The following ADAMTS16 variants were observed in gnomAD, a reference collection of about 807,000 sequenced individuals.
The protein encoded by ADAMTS16 is ADAM metallopeptidase with thrombospondin type 1 motif 16, also known as A disintegrin and metalloproteinase with thrombospondin motifs 16.
A neutral mutation model predicts 145.8 loss-of-function variants in ADAMTS16; 94 were observed. That is an observed-to-expected ratio of 0.64 (90% confidence interval 0.55 to 0.77). ADAMTS16 has a LOEUF of 0.77. Among genes scored for constraint, ADAMTS16 ranks in the 30% least tolerant of loss-of-function variants. The pLI is 0.00. For synonymous variants in ADAMTS16, 659 were observed against 604.3 expected, an observed-to-expected ratio of 1.09 and a Z score of -1.33; for missense variants, 1,585 against 1,591.5, an observed-to-expected ratio of 1.00 and a Z score of 0.07.
intron 18 of ADAMTS16, among the ~76,000 whole-genome samples, chr5:5,280,644 T>C (rs1298733756): frequency 6.6e-6 from 1 of 151,688 alleles, no homozygotes; most frequent in Non-Finnish European, 1.5e-5. Context: ...GGTGGAGAGG[T>C]TTAGTACATG....
At chr5:5,218,215 C>T (rs1736491232) in intron 10 of ADAMTS16, among the ~76,000 whole-genome samples, 1 of 152,146 alleles carries the variant, frequency 6.6e-6, no homozygotes. Context: ...TTGTAGTTTA[C>T]TTTTCTTTTT....
chr5:5,142,568 C>T (rs1734195651), intron 2 of ADAMTS16, among the ~76,000 whole-genome samples: 2 of 152,320 alleles, frequency 1.3e-5, no homozygotes, highest in Admixed American at 6.5e-5. Flanking sequence ...TCCCTCTGAC[C>T]TGGAGCAGAA....
intron 17 of ADAMTS16, among the ~76,000 whole-genome samples, chr5:5,249,398 T>G (rs2126405609): frequency 6.6e-6 from 1 of 152,226 alleles, no homozygotes; most frequent in South Asian, 2.1e-4. Flanking sequence ...TGGCACGGTG[T>G]TCTGAACATG....
intron 14 of ADAMTS16, 62 bp from the exon 15 acceptor site, chr5:5,239,089 T>G (rs1293435570): frequency 3.6e-6 from 5 of 1,389,192 alleles, no homozygotes; most frequent in Non-Finnish European, 3.8e-6. Flanking sequence ...ATGAGATTGG[T>G]GACAGTATTG....
At chr5:5,205,317 GA>G (rs112399321) in intron 9 of ADAMTS16, among the ~76,000 whole-genome samples, 3,050 of 135,388 alleles carry the variant, frequency 0.023, 89 homozygotes, top group African/African-American at 0.068. Flanking sequence ...TGGAAAAAAA[GA>G]AAAAAAAAAA....
chr5:5,153,357 A>G (rs1734521999), intron 3 of ADAMTS16, among the ~76,000 whole-genome samples: 1 of 152,222 alleles, frequency 6.6e-6, no homozygotes, highest in African/African-American at 2.4e-5. Context: ...TTTATCATTC[A>G]TCTTTGTATC....
chr5:5,240,653 C>A (rs1421690283), intron 16 of ADAMTS16, among the ~76,000 whole-genome samples: 1 of 152,158 alleles, frequency 6.6e-6, no homozygotes, highest in Non-Finnish European at 1.5e-5. Context: ...GATACCCCCA[C>A]CTGTTCCCTG....
chr5:5,180,848 G>A (rs910017028), intron 3 of ADAMTS16, among the ~76,000 whole-genome samples: 1 of 152,090 alleles, frequency 6.6e-6, no homozygotes, highest in African/African-American at 2.4e-5. Flanking sequence ...TAAAAAGGGG[G>A]CACTGATGCC....
chr5:5,261,087 A>G (rs1271095675), intron 17 of ADAMTS16, among the ~76,000 whole-genome samples: 1 of 152,168 alleles, frequency 6.6e-6, no homozygotes, highest in Non-Finnish European at 1.5e-5. Context: ...ATCTGAATAT[A>G]TTGTGTGTTA....
At chr5:5,150,576 C>T (rs761037404) in intron 3 of ADAMTS16, among the ~76,000 whole-genome samples, 1 of 152,194 alleles carries the variant, frequency 6.6e-6, no homozygotes, top group Non-Finnish European at 1.5e-5. Context: ...GCAGTTCAAT[C>T]ATCACAACAA....
At chr5:5,305,271 A>C (rs1579406586) in intron 20 of ADAMTS16, among the ~76,000 whole-genome samples, 3 of 50,276 alleles carry the variant, frequency 6.0e-5, no homozygotes, top group African/African-American at 8.3e-5. Context: ...ACAATCCCAC[A>C]CCACACACAC....
Position 5,149,602 on chromosome 5 carries a change from C to T in ADAMTS16, c.501+3147C>T, listed in dbSNP as rs937210357. Among the ~76,000 whole-genome samples the T allele has an allele frequency of 3.3e-5, 5 of 152,086 alleles. No homozygotes were observed. In the East Asian group the frequency reaches 9.6e-4, roughly 29 times the overall value. On this transcript the variant is annotated intron_variant, in intron 3 of 22. Coordinates refer to ENST00000274181, the MANE Select transcript of ADAMTS16 (RefSeq NM_139056.4). ...CTCTATTCATTTAATAGAGTTTCACCCTTTACAATGTATCATTCAGTAGTT... is the reference window on the plus strand; with the variant it reads ...CTCTATTCATTTAATAGAGTTTCACTCTTTACAATGTATCATTCAGTAGTT...
At chr5:5,203,125 CT>C (rs1384203351) in intron 9 of ADAMTS16, among the ~76,000 whole-genome samples, 1 of 152,144 alleles carries the variant, frequency 6.6e-6, no homozygotes, top group Non-Finnish European at 1.5e-5. Flanking sequence ...TTACCAATTT[CT>C]TTTGACCACA....
At chr5:5,230,455 A>G (rs1367520938) in intron 11 of ADAMTS16, among the ~76,000 whole-genome samples, 1 of 152,158 alleles carries the variant, frequency 6.6e-6, no homozygotes, top group Admixed American at 6.5e-5. Context: ...CTTAATTTGG[A>G]GAACCCTTAG....
chr5:5,174,442 T>C (rs577441713), intron 3 of ADAMTS16, among the ~76,000 whole-genome samples: 1 of 152,234 alleles, frequency 6.6e-6, no homozygotes, highest in African/African-American at 2.4e-5. Flanking sequence ...CTTCTTTGGG[T>C]TAAATCTGTT....
intron 9 of ADAMTS16, among the ~76,000 whole-genome samples, chr5:5,207,098 G>A (rs1210897162): frequency 1.3e-5 from 2 of 152,088 alleles, no homozygotes; most frequent in South Asian, 2.1e-4. Context: ...ACTTCCTTTA[G>A]TTTTGATTGA....
chr5:5,160,511 T>G (rs906017803), intron 3 of ADAMTS16, among the ~76,000 whole-genome samples: 1 of 152,164 alleles, frequency 6.6e-6, no homozygotes, highest in East Asian at 1.9e-4. Context: ...CAGAGCTACT[T>G]CGTTTATAAA....
intron 3 of ADAMTS16, among the ~76,000 whole-genome samples, chr5:5,173,306 G>T (rs1735097803): frequency 6.9e-6 from 1 of 144,804 alleles, no homozygotes; most frequent in Non-Finnish European, 1.5e-5. Flanking sequence ...TGTTTTCTGG[G>T]GTTTTTTGTG....
At chr5:5,146,847 T>C (rs117902331) in intron 3 of ADAMTS16, among the ~76,000 whole-genome samples, 6 of 152,344 alleles carry the variant, frequency 3.9e-5, no homozygotes, top group East Asian at 3.9e-4. Flanking sequence ...ATTCAAGAGA[T>C]TGGCCATGAG....
Sources: allele counts gnomAD v4.1 joint callset (sites outside exome capture counted in the v4.1 genomes callset), GRCh38; gene constraint gnomAD v4.1.1; transcripts MANE v1.5; gene names NCBI Gene and HGNC (gene_info 2026-07-23, HGNC 2026-07-21).